The following POU2F1 variants were observed in gnomAD, a reference collection of about 807,000 sequenced individuals.
POU2F1 encodes the protein POU class 2 homeobox 1, also known as POU domain, class 2, transcription factor 1.
In POU2F1, 16 loss-of-function variants were observed where a neutral mutation model predicts 84.9. That is an observed-to-expected ratio of 0.19 (90% CI 0.13 to 0.29). POU2F1 has a LOEUF of 0.29. POU2F1 is among the 10% of genes least tolerant of loss of function. The probability of loss-of-function intolerance (pLI) is 1.00; values close to 1 mark genes in which losing one functional copy is unlikely to be tolerated. For synonymous variants in POU2F1, 368 were observed against 368.3 expected (o/e 1.00, Z 0.01); for missense variants, 738 against 942.6 (o/e 0.78, Z 2.84).
chr1:167,359,057 C>T (rs1170091284), intron 2 of POU2F1, among the ~76,000 whole-genome samples: 2 of 150,066 alleles, frequency 1.3e-5, no homozygotes, highest in Non-Finnish European at 3.0e-5. Context: ...ATTACCTTTC[C>T]CTCTATTTTC....
At chr1:167,265,327 G>C (rs941197172) in intron 1 of POU2F1, among the ~76,000 whole-genome samples, 1 of 152,206 alleles carries the variant, frequency 6.6e-6, no homozygotes, top group Non-Finnish European at 1.5e-5. Flanking sequence ...TAACAGGACA[G>C]TTCACAATGA....
chr1:167,227,042 T>C (rs2102329146), intron 1 of POU2F1, among the ~76,000 whole-genome samples: 1 of 152,260 alleles, frequency 6.6e-6, no homozygotes, highest in Non-Finnish European at 1.5e-5. Flanking sequence ...TACTGTGGCC[T>C]CCCCAAGTGC....
chr1:167,349,377 C>G (rs1007599091), intron 2 of POU2F1, among the ~76,000 whole-genome samples: 6 of 152,100 alleles, frequency 3.9e-5, no homozygotes, highest in Non-Finnish European at 8.8e-5. Context: ...ATTACTTGTG[C>G]ACCCCGGCCA....
intron 3 of POU2F1, among the ~76,000 whole-genome samples, chr1:167,368,094 T>G (rs1240852046): frequency 2.6e-5 from 4 of 152,184 alleles, no homozygotes; most frequent in Admixed American, 2.6e-4. Flanking sequence ...TGGCCCATAT[T>G]TATATACTTC....
chr1:167,273,540 A>G (rs1226215509), intron 1 of POU2F1, among the ~76,000 whole-genome samples: 2 of 152,218 alleles, frequency 1.3e-5, no homozygotes, highest in East Asian at 1.9e-4. Flanking sequence ...CCGCAGGCTT[A>G]CCACCACGTG....
chr1:167,276,587 C>T (rs765141454), intron 1 of POU2F1, among the ~76,000 whole-genome samples: 2 of 152,034 alleles, frequency 1.3e-5, no homozygotes, highest in South Asian at 2.1e-4. Flanking sequence ...TTTTTTAGGA[C>T]GTTATTTCCT....
At chr1:167,334,779 A>G (rs1657327661) in intron 2 of POU2F1, among the ~76,000 whole-genome samples, 1 of 152,248 alleles carries the variant, frequency 6.6e-6, no homozygotes, top group African/African-American at 2.4e-5. Flanking sequence ...ATTTAAGCAT[A>G]TAACAAATGA....
At chr1:167,407,459 A>G in intron 13 of POU2F1, among the ~76,000 whole-genome samples, 1 of 152,256 alleles carries the variant, frequency 6.6e-6, no homozygotes, top group Non-Finnish European at 1.5e-5. Flanking sequence ...TTTGAGAAAG[A>G]GTGAAATCAG....
At chr1:167,284,570 C>T (rs1207218578) in intron 1 of POU2F1, among the ~76,000 whole-genome samples, 2 of 152,108 alleles carry the variant, frequency 1.3e-5, no homozygotes, top group Admixed American at 6.5e-5. Flanking sequence ...TTGCCTTTCC[C>T]ATTGTGAATG....
intron 1 of POU2F1, among the ~76,000 whole-genome samples, chr1:167,224,885 T>C (rs1648512038): frequency 6.7e-6 from 1 of 149,508 alleles, no homozygotes; most frequent in African/African-American, 2.5e-5. Context: ...CTGGAGTGCG[T>C]TGGTGCGATC....
Position 167,376,042 on chromosome 1 carries a change from T to G in POU2F1, c.605T>G (p.Leu202Arg). ...CCAATTTTTCAGGATCTTCAACAAC[T>G]GCAACAGCTTCAACAGCAGAATCTC... ...PIQIAQDLQQ[L>R]QQLQQQNLNL... Residue 202 changes from leucine (L) to arginine (R), a missense_variant, in exon 7 of 16, where the codon CTG becomes CGG. Physicochemically the swap from Leu to Arg is moderately radical, Grantham distance 102. Around this residue, in one of 4 missense-constraint regions of POU2F1, gnomAD observed 163 missense variants for 214.4 expected, o/e 0.76. Coordinates refer to ENST00000367866, the MANE Select transcript of POU2F1 (RefSeq NM_002697.4). 6.2e-7 allele frequency: 1 copy of G among 1,614,132 alleles called. No homozygotes were observed. The highest frequency in any genetic ancestry group is 8.5e-7 in the Non-Finnish European group (1 of 1,179,986).
chr1:167,267,171 T>G (rs183426774), intron 1 of POU2F1, among the ~76,000 whole-genome samples: 1 of 142,164 alleles, frequency 7.0e-6, no homozygotes, highest in Non-Finnish European at 1.5e-5. Context: ...TGTACTGATA[T>G]AAAAAGAGCT....
intron 1 of POU2F1, among the ~76,000 whole-genome samples, chr1:167,300,146 G>A (rs2102563443): frequency 6.6e-6 from 1 of 152,328 alleles, no homozygotes; most frequent in Admixed American, 6.5e-5. Context: ...ATTACCCTAA[G>A]CGAGTTATTG....
At chr1:167,343,654 T>A (rs1057283761) in intron 2 of POU2F1, among the ~76,000 whole-genome samples, 1 of 11,176 alleles carries the variant, frequency 8.9e-5, no homozygotes, top group Non-Finnish European at 1.6e-4. Flanking sequence ...TTTTTTTTTT[T>A]TTTTTTTTTT....
intron 8 of POU2F1, among the ~76,000 whole-genome samples, chr1:167,388,899 G>T (rs1471417377): frequency 2.0e-5 from 3 of 152,030 alleles, no homozygotes; most frequent in African/African-American, 7.2e-5. Flanking sequence ...CTTCCAAAAA[G>T]TTATTTTTAT....
At chr1:167,225,418 A>G (rs937950025) in intron 1 of POU2F1, among the ~76,000 whole-genome samples, 1 of 152,202 alleles carries the variant, frequency 6.6e-6, no homozygotes, top group African/African-American at 2.4e-5. Context: ...TAAATTTACT[A>G]TTCTCTACAT....
intron 9 of POU2F1, among the ~76,000 whole-genome samples, chr1:167,395,656 G>A (rs931819829): frequency 6.6e-6 from 1 of 151,954 alleles, no homozygotes; most frequent in Non-Finnish European, 1.5e-5. Context: ...CCAGACTGGA[G>A]TGCGGTGCCA....
At chr1:167,401,768 C>A (rs975862906) in intron 13 of POU2F1, among the ~76,000 whole-genome samples, 1 of 152,198 alleles carries the variant, frequency 6.6e-6, no homozygotes, top group African/African-American at 2.4e-5. Flanking sequence ...TTTGTCAATT[C>A]GTGAAGGTTA....
intron 1 of POU2F1, among the ~76,000 whole-genome samples, chr1:167,252,460 T>C (rs1650802333): frequency 6.6e-6 from 1 of 152,222 alleles, no homozygotes; most frequent in African/African-American, 2.4e-5. Context: ...ATTTGAAATA[T>C]TTTAAAGTGC....
Sources: gnomAD v4.1 joint callset for allele counts (sites outside exome capture counted in the v4.1 genomes callset) on GRCh38, gnomAD v4.1.1 for gene constraint, gnomAD v4.1.1 regional missense constraint, MANE v1.5 for transcripts, NCBI Gene and HGNC (gene_info 2026-07-23, HGNC 2026-07-21) for gene names.